Variants in DOCK1 observed in about 807,000 individuals in gnomAD.
DOCK1 encodes dedicator of cytokinesis protein 1.
Under a neutral mutation model 262.7 loss-of-function variants are expected in DOCK1, and 138 were observed. That is an observed-to-expected ratio of 0.53 (90% CI 0.46 to 0.61). The LOEUF is 0.61. Ranked by LOEUF, DOCK1 falls within the 20% of genes least tolerant of loss-of-function variation. The probability of loss-of-function intolerance (pLI) is 0.00; values close to 1 mark genes in which losing one functional copy is unlikely to be tolerated. For missense variants in DOCK1, 1,908 were observed against 2,370.7 expected (o/e 0.80, Z 4.05); for synonymous variants, 866 against 867.4 (o/e 1.00, Z 0.03).
chr10:127,269,471 C>A (rs1393545094), intron 29 of DOCK1, among the ~76,000 whole-genome samples: 1 of 152,218 alleles, frequency 6.6e-6, no homozygotes, highest in Non-Finnish European at 1.5e-5. Context: ...TGTATATATT[C>A]AAATTGCGGT....
At chr10:127,078,939 T>C (rs2046735963) in intron 23 of DOCK1, among the ~76,000 whole-genome samples, 1 of 152,226 alleles carries the variant, frequency 6.6e-6, no homozygotes, top group African/African-American at 2.4e-5. Flanking sequence ...GTTGTTTTTG[T>C]CTTCTCCAAT....
intron 40 of DOCK1, among the ~76,000 whole-genome samples, chr10:127,404,856 C>G (rs1290799018): frequency 6.6e-6 from 1 of 152,184 alleles, no homozygotes; most frequent in Non-Finnish European, 1.5e-5. Context: ...TCCCCATTCT[C>G]CCTCCTGCCA....
At chr10:126,906,336 C>T (rs2030815006) in intron 1 of DOCK1, among the ~76,000 whole-genome samples, 1 of 152,192 alleles carries the variant, frequency 6.6e-6, no homozygotes, top group African/African-American at 2.4e-5. Flanking sequence ...GCTGAATAGA[C>T]GGGCCCGTCC....
intron 1 of DOCK1, among the ~76,000 whole-genome samples, chr10:126,912,830 T>G (rs969985522): frequency 6.6e-6 from 1 of 152,084 alleles, no homozygotes; most frequent in African/African-American, 2.4e-5. Context: ...TTAAATTCCC[T>G]GCCTCCAAAT....
At chr10:127,307,004 C>T (rs1483232768) in intron 29 of DOCK1, among the ~76,000 whole-genome samples, 4 of 152,090 alleles carry the variant, frequency 2.6e-5, no homozygotes, top group Non-Finnish European at 5.9e-5. Context: ...AAAGTGAGAT[C>T]CATTTGTAAG....
intron 23 of DOCK1, among the ~76,000 whole-genome samples, chr10:127,092,350 A>C (rs544881803): frequency 5.3e-5 from 8 of 152,290 alleles, no homozygotes; most frequent in African/African-American, 1.7e-4. Flanking sequence ...CTCCCGCCAC[A>C]GGGCCCCAGC....
At chr10:126,981,050 C>T (rs965170705) in intron 3 of DOCK1, among the ~76,000 whole-genome samples, 9 of 151,302 alleles carry the variant, frequency 5.9e-5, no homozygotes, top group East Asian at 2.0e-4. Context: ...CGGGTTCAAG[C>T]GATTCTCCTG....
intron 46 of DOCK1, among the ~76,000 whole-genome samples, chr10:127,423,677 C>T (rs1381122257): frequency 6.6e-6 from 1 of 152,174 alleles, no homozygotes; most frequent in African/African-American, 2.4e-5. Context: ...AGGCTGAACT[C>T]AGCCATCATC....
intron 18 of DOCK1, among the ~76,000 whole-genome samples, chr10:127,033,746 T>G (rs1816174081): frequency 6.6e-6 from 1 of 152,192 alleles, no homozygotes; most frequent in African/African-American, 2.4e-5. Context: ...TGTCTGGAAG[T>G]CAGGACATTG....
At chr10:127,319,290 G>A (rs904267960) in intron 29 of DOCK1, among the ~76,000 whole-genome samples, 1 of 152,156 alleles carries the variant, frequency 6.6e-6, no homozygotes, top group African/African-American at 2.4e-5. Context: ...CCGTAGCAGG[G>A]GAACTAATTG....
chr10:126,979,907 G>A (rs562989364), intron 3 of DOCK1, among the ~76,000 whole-genome samples: 16 of 152,258 alleles, frequency 1.1e-4, no homozygotes, highest in Middle Eastern at 3.4e-3. Flanking sequence ...CGGAAGTTGC[G>A]CATTTCAAAC....
intron 7 of DOCK1, chr10:126,997,717 T>C (rs896692295): frequency 8.7e-6 from 2 of 230,570 alleles, no homozygotes; most frequent in African/African-American, 4.5e-5. Context: ...TTACTGAGCA[T>C]CTACTGTGTA....
chr10:127,248,231 T>C (rs2134788233), intron 28 of DOCK1, 122 bp downstream of exon 28: 1 of 883,310 alleles, frequency 1.1e-6, no homozygotes, highest in East Asian at 2.7e-5. Flanking sequence ...CTCTGATTGA[T>C]TTCAAATGCC....
At chr10:126,979,244 G>A (rs1165651543) in intron 3 of DOCK1, among the ~76,000 whole-genome samples, 1 of 152,114 alleles carries the variant, frequency 6.6e-6, no homozygotes, top group East Asian at 1.9e-4. Context: ...ATTCCAGCCA[G>A]GCCCAAAGAT....
chr10:126,922,681 C>G lies in DOCK1; in HGVS notation c.46+17118C>G, dbSNP rs550789049. 2.0e-5 allele frequency among the ~76,000 whole-genome samples: 3 copies of G among 152,258 alleles called. 1 individual carries two copies. The highest frequency in any genetic ancestry group is 7.2e-5 in the African/African-American group (3 of 41,542). ...TCAGTGACTTTGGGGTTTCCTTATG[C>G]AGTGATGAAAATACTTAAGAACTAG... On this transcript the variant is annotated intron_variant, in intron 1 of 51. Coordinates refer to ENST00000623213, the MANE Select transcript of DOCK1 (RefSeq NM_001290223.2).
At chr10:126,922,209 CAAAAA>C (rs1213635501) in intron 1 of DOCK1, among the ~76,000 whole-genome samples, 6 of 63,942 alleles carry the variant, frequency 9.4e-5, no homozygotes, top group African/African-American at 1.9e-4. Flanking sequence ...GACCCTGTAT[CAAAAA>C]AAAAAAAAAA....
At chr10:126,989,087 AAT>A (rs1554967137) in intron 5 of DOCK1, among the ~76,000 whole-genome samples, 11 of 151,294 alleles carry the variant, frequency 7.3e-5, no homozygotes, top group African/African-American at 2.7e-4. Flanking sequence ...AAAAAAAAAA[AAT>A]GCATTTTTTT....
intron 27 of DOCK1, among the ~76,000 whole-genome samples, chr10:127,242,976 ATCC>A (rs1042963462): frequency 2.0e-5 from 3 of 152,076 alleles, no homozygotes; most frequent in African/African-American, 7.2e-5. Flanking sequence ...CTGCCCAGAG[ATCC>A]TTTGGAATTT....
intron 25 of DOCK1, among the ~76,000 whole-genome samples, chr10:127,125,099 A>G (rs2049864460): frequency 6.6e-6 from 1 of 152,224 alleles, no homozygotes; most frequent in Non-Finnish European, 1.5e-5. Context: ...CCTGGGCGAC[A>G]GAGCAAGACT....
Sources: gnomAD v4.1 joint callset for allele counts (sites outside exome capture counted in the v4.1 genomes callset) on GRCh38, gnomAD v4.1.1 for gene constraint, MANE v1.5 for transcripts, NCBI Gene and HGNC (gene_info 2026-07-23, HGNC 2026-07-21) for gene names.